Variants in RNF4 observed in about 807,000 individuals in gnomAD.
RNF4 encodes the protein E3 ubiquitin-protein ligase RNF4.
A neutral mutation model predicts 24.3 loss-of-function variants in RNF4; 7 were observed. The ratio of observed to expected loss-of-function variants is 0.29; its 90% CI spans 0.16 to 0.54. The LOEUF (loss-of-function observed/expected upper bound fraction) is 0.54, where lower values mean the gene tolerates loss of function less well. Among genes scored for constraint, RNF4 ranks in the 20% least tolerant of loss-of-function variants. RNF4 has a pLI of 0.95. For synonymous variants in RNF4, 83 were observed against 84.3 expected (o/e 0.98, Z 0.09); for missense variants, 209 against 248.5 (o/e 0.84, Z 1.07).
At chr4:2,505,814 G>C (rs1736084497) in intron 4 of RNF4, 2 of 125,340 alleles carry the variant, frequency 1.6e-5, no homozygotes, top group East Asian at 5.5e-4. Flanking sequence ...GCTCACTGCA[G>C]CCTCTGCCTC....
At chr4:2,475,106 A>C (rs1447128485) in intron 1 of RNF4, among the ~76,000 whole-genome samples, 1 of 152,242 alleles carries the variant, frequency 6.6e-6, no homozygotes, top group Non-Finnish European at 1.5e-5. Flanking sequence ...AGCCATCATC[A>C]GGGCAAGACC....
chr4:2,493,281 C>G (rs1406609718), intron 2 of RNF4, among the ~76,000 whole-genome samples: 1 of 151,744 alleles, frequency 6.6e-6, no homozygotes, highest in African/African-American at 2.4e-5. Flanking sequence ...GGAAGAAGCT[C>G]TGGTTAAAGG....
In RNF4 at chr4:2,480,764, G is replaced by A. The variant is rs115024439; in HGVS notation, c.-157-9573G>A. 1,146 of 152,280 alleles carry A rather than the reference G, an allele frequency of 7.5e-3. 18 individuals are homozygous for A. The highest frequency in any genetic ancestry group is 0.026 in the African/African-American group (1,084 of 41,536). 9.4% of individuals were successfully genotyped at this position (152,280 alleles called of 1,614,324 possible). On this transcript the variant is annotated intron_variant, in intron 1 of 7. Coordinates refer to ENST00000314289, the MANE Select transcript of RNF4 (RefSeq NM_002938.5). ...ACCTTTGAGGTAGGCCCTGAAGAACGAGCAGAAATTCCCTAAAGCGGGGTG... is the reference window on the plus strand; with the variant it reads ...ACCTTTGAGGTAGGCCCTGAAGAACAAGCAGAAATTCCCTAAAGCGGGGTG...
chr4:2,485,589 C>T (rs1332989071), intron 1 of RNF4, among the ~76,000 whole-genome samples: 2 of 152,236 alleles, frequency 1.3e-5, no homozygotes, highest in East Asian at 1.9e-4. Context: ...GATACCTTGG[C>T]GTGAGTTGTT....
intron 1 of RNF4, among the ~76,000 whole-genome samples, chr4:2,483,420 C>G (rs1461885318): frequency 6.6e-6 from 1 of 152,192 alleles, no homozygotes; most frequent in African/African-American, 2.4e-5. Flanking sequence ...ACCACATACC[C>G]TCATTTGTAT....
chr4:2,498,344 C>T lies in RNF4; in HGVS notation c.124+1223C>T, dbSNP rs187466930. Among the ~76,000 whole-genome samples the T allele has an allele frequency of 2.4e-3, 369 of 152,214 alleles. 1 individual carries two copies. Among genetic ancestry groups the T allele is most frequent in the African/African-American group, 8.5e-3 (352 of 41,536 alleles). ...GATCATAGGCGCCCACCACCACACCCGGCTAAATTTTTTTTGTATTTTTAG... is the reference window on the plus strand; with the variant it reads ...GATCATAGGCGCCCACCACCACACCTGGCTAAATTTTTTTTGTATTTTTAG... On this transcript the variant is annotated intron_variant, in intron 3 of 7. Transcript: ENST00000314289.
Position 2,476,188 on chromosome 4 carries a change from A to T in RNF4, c.-158+6930A>T, listed in dbSNP as rs931754735. Among the ~76,000 whole-genome samples the T allele has an allele frequency of 5.9e-5, 9 of 152,154 alleles. No individual in the cohort carries two copies. In the East Asian group the frequency reaches 1.4e-3, roughly 23 times the overall value. The stretch of plus-strand genomic sequence containing the variant: ...CCCTGTCTGCCACACCTCACCTCTT[A>T]CTTTAGCCAAACTACTGCTAAATTC... On this transcript the variant is annotated intron_variant, in intron 1 of 7. Coordinates refer to ENST00000314289, the MANE Select transcript of RNF4 (RefSeq NM_002938.5).
intron 4 of RNF4, among the ~76,000 whole-genome samples, chr4:2,503,141 C>G (rs1424856279): frequency 2.0e-5 from 3 of 152,128 alleles, no homozygotes; most frequent in Admixed American, 6.6e-5. Context: ...TCCCAAAGCA[C>G]TAGGATTACA....
chr4:2,480,400 G>T (rs867825349), intron 1 of RNF4: 1 of 151,462 alleles, frequency 6.6e-6, no homozygotes. Context: ...AGCCTCCTGA[G>T]TGGCAGGGAT....
chr4:2,471,342 T>A (rs1239975346), intron 1 of RNF4, among the ~76,000 whole-genome samples: 1 of 152,226 alleles, frequency 6.6e-6, no homozygotes, highest in Admixed American at 6.5e-5. Flanking sequence ...AGCACTCATA[T>A]AAGACAGTGA....
At chr4:2,497,477 T>A (rs1159436347) in intron 3 of RNF4, among the ~76,000 whole-genome samples, 1 of 152,174 alleles carries the variant, frequency 6.6e-6, no homozygotes, top group African/African-American at 2.4e-5. Context: ...GAAGGCAAAC[T>A]TGTCCACAGA....
intron 1 of RNF4, chr4:2,469,539 T>G (rs540905289): frequency 6.6e-6 from 1 of 152,316 alleles, no homozygotes; most frequent in East Asian, 1.9e-4. Flanking sequence ...GAAGGGAAAC[T>G]GAGACTCTGG....
intron 2 of RNF4, among the ~76,000 whole-genome samples, chr4:2,495,440 C>G (rs542544362): frequency 2.0e-5 from 3 of 152,294 alleles, no homozygotes; most frequent in Admixed American, 6.5e-5. Flanking sequence ...CTGCGCAGTA[C>G]TTTACATACA....
At chr4:2,503,519 T>C (rs912561709) in intron 4 of RNF4, among the ~76,000 whole-genome samples, 5 of 152,202 alleles carry the variant, frequency 3.3e-5, no homozygotes, top group African/African-American at 1.2e-4. Context: ...CACACTGTCC[T>C]CAGTGTTGTC....
chr4:2,490,647 G>GTGGT (rs1735552276), intron 2 of RNF4, 145 bp downstream of exon 2: 5 of 795,462 alleles, frequency 6.3e-6, no homozygotes, highest in Non-Finnish European at 9.8e-6. Context: ...GAGCTTTCTG[G>GTGGT]TGGTTACATC....
At chr4:2,498,407 C>T (rs1056600759) in intron 3 of RNF4, among the ~76,000 whole-genome samples, 3 of 151,942 alleles carry the variant, frequency 2.0e-5, no homozygotes, top group Non-Finnish European at 2.9e-5. Context: ...AGGCTGATCT[C>T]GAACTCCTGA....
chr4:2,484,795 C>G lies in RNF4; in HGVS notation c.-157-5542C>G, dbSNP rs930232399. On this transcript the variant is annotated intron_variant, in intron 1 of 7. Transcript: ENST00000314289. Reference sequence around the variant, plus strand: ...TCTCTGTCCTATACTCTGCCACTACCCCGAGCCTCATGGCTTTCTTCTCAC... The same window carrying G: ...TCTCTGTCCTATACTCTGCCACTACGCCGAGCCTCATGGCTTTCTTCTCAC... 2.0e-5 allele frequency among the ~76,000 whole-genome samples: 3 copies of G among 152,140 alleles called. No homozygotes were observed. The East Asian group carries it at 5.8e-4, about 29-fold the overall frequency.
chr4:2,500,519 G>C (rs911936233), intron 3 of RNF4, 140 bp from the exon 4 acceptor site: 2 of 770,342 alleles, frequency 2.6e-6, no homozygotes, highest in Admixed American at 2.3e-5. Context: ...TGTTGGTCCT[G>C]GTGCTCTTTG....
rs971446503 is a variant in RNF4, at chr4:2,512,114, C to T, written c.214+149C>T. 5.1e-5 allele frequency: 37 copies of T among 725,166 alleles called. 1 individual carries two copies. The highest frequency in any genetic ancestry group is 3.0e-4 in the African/African-American group (17 of 56,268). The allele number at this position is 725,166 out of a possible 1,614,324, so 44.9% of individuals were successfully genotyped here. A position where few individuals can be genotyped will look rare whatever the true frequency, so the allele number is the denominator to read the frequency against. ...CCTTCGCAGATGCTGTGGTCAGACC[C>T]ACACAGCCAGTCCCCCTTGTGCCTG... On this transcript the variant is annotated intron_variant, in intron 5 of 7. Coordinates refer to ENST00000314289, the MANE Select transcript of RNF4 (RefSeq NM_002938.5). This position sits in a 1 kb window ranked among gnomAD's most constrained non-coding sequence, Gnocchi z 4.1.
Sources: allele counts gnomAD v4.1 joint callset (sites outside exome capture counted in the v4.1 genomes callset), GRCh38; gene constraint gnomAD v4.1.1; non-coding constraint Gnocchi (gnomAD v3.1); transcripts MANE v1.5; gene names NCBI Gene and HGNC (gene_info 2026-07-23, HGNC 2026-07-21).